Variants in GPR19 observed in about 807,000 individuals in gnomAD.
The protein encoded by GPR19 is G protein-coupled receptor 19.
In GPR19, 14 loss-of-function variants were observed where a neutral mutation model predicts 28.5. That is an observed-to-expected ratio of 0.49 (90% CI 0.32 to 0.77). The LOEUF (loss-of-function observed/expected upper bound fraction) is 0.77, where lower values mean the gene tolerates loss of function less well. GPR19 is among the 30% of genes least tolerant of loss of function. GPR19 has a pLI of 0.03. For missense variants in GPR19, 409 were observed against 504.1 expected, an observed-to-expected ratio of 0.81 and a Z score of 1.81; for synonymous variants, 173 against 184.1, an observed-to-expected ratio of 0.94 and a Z score of 0.49.
chr12:12,699,380 T>C (rs1946302496), upstream of GPR19, among the ~76,000 whole-genome samples: 1 of 152,120 alleles, frequency 6.6e-6, no homozygotes, highest in Admixed American at 6.6e-5. Context: ...TAGGGCCAAA[T>C]TGCAGGGTTT....
chr12:12,714,470 G>A, the GPR19 span, among the ~76,000 whole-genome samples: 1 of 152,136 alleles, frequency 6.6e-6, no homozygotes, highest in African/African-American at 2.4e-5. Context: ...AGTTATTTTG[G>A]TCTTTGCCTC....
At chr12:12,699,472 G>A (rs1946303652), upstream of GPR19, among the ~76,000 whole-genome samples, 2 of 152,054 alleles carry the variant, frequency 1.3e-5, no homozygotes, top group Non-Finnish European at 2.9e-5. Context: ...GGGTAATTCA[G>A]TACTCTTGTC....
rs568081446 is a variant in GPR19 at position 12,683,392 on chromosome 12, A to C, written c.-23+959T>G. Among the ~76,000 whole-genome samples, 3 of 152,346 alleles carry C rather than the reference A, an allele frequency of 2.0e-5. No individual in the cohort carries two copies. The East Asian group carries it at 5.8e-4, about 29-fold the overall frequency. Reference sequence around the variant, plus strand: ...CCAAATTGACTGCTGACATCATTTGAAATAATATGAGCAGGCAAGCAGCAT... The same window carrying C: ...CCAAATTGACTGCTGACATCATTTGCAATAATATGAGCAGGCAAGCAGCAT... On this transcript the variant is annotated intron_variant, in intron 3 of 3. Coordinates refer to ENST00000651487, the MANE Select transcript of GPR19 (RefSeq NM_006143.3).
In GPR19 at chr12:12,662,905, G is replaced by C. The variant is rs187231394; in HGVS notation, c.-22-435C>G. ...TGTCCTAAGGTTGCAAAAGAGGAAAGCTTGGGCAGATGAAAACACACAGAT... is the reference window on the plus strand; with the variant it reads ...TGTCCTAAGGTTGCAAAAGAGGAAACCTTGGGCAGATGAAAACACACAGAT... On this transcript the variant is annotated intron_variant, in intron 3 of 3. Coordinates refer to ENST00000651487, the MANE Select transcript of GPR19 (RefSeq NM_006143.3). Among the ~76,000 whole-genome samples the C allele has an allele frequency of 8.5e-5, 13 of 152,372 alleles. No homozygotes were observed. In the East Asian group the frequency reaches 2.3e-3, roughly 27 times the overall value.
intron 3 of GPR19, among the ~76,000 whole-genome samples, chr12:12,674,900 A>G (rs2136325416): frequency 6.6e-6 from 1 of 152,346 alleles, no homozygotes; most frequent in East Asian, 1.9e-4. Context: ...ATTAAGTTGT[A>G]GTAAGTCCAA....
the GPR19 span, among the ~76,000 whole-genome samples, chr12:12,708,776 C>T: frequency 6.6e-6 from 1 of 152,168 alleles, no homozygotes; most frequent in African/African-American, 2.4e-5. Flanking sequence ...TGGCTGGGCA[C>T]GGTGGCTCAC....
chr12:12,693,936 C>T (rs891691649), intron 2 of GPR19, among the ~76,000 whole-genome samples: 48 of 152,130 alleles, frequency 3.2e-4, no homozygotes, highest in Non-Finnish European at 6.0e-4. Flanking sequence ...CTCCTGACCT[C>T]GTGATCCCCC....
At chr12:12,666,804 A>G (rs964401416) in intron 3 of GPR19, among the ~76,000 whole-genome samples, 4 of 152,236 alleles carry the variant, frequency 2.6e-5, no homozygotes, top group Non-Finnish European at 5.9e-5. Context: ...GAAAATCACT[A>G]TATATTCTCA....
At chr12:12,703,505 A>G in the GPR19 span, 1 of 767,600 alleles carries the variant, frequency 1.3e-6, no homozygotes, top group Non-Finnish European at 1.6e-6. Context: ...CATCTTTGCC[A>G]TAGAAGCCTA....
the GPR19 span, among the ~76,000 whole-genome samples, chr12:12,709,519 C>T: frequency 6.6e-6 from 1 of 152,328 alleles, no homozygotes; most frequent in East Asian, 1.9e-4. Context: ...GGGCTCACTG[C>T]AGCTTCGATC....
chr12:12,711,272 G>A, the GPR19 span, among the ~76,000 whole-genome samples: 6 of 137,780 alleles, frequency 4.4e-5, no homozygotes, highest in African/African-American at 1.6e-4. Context: ...CCAGCCTGGC[G>A]ACAGAATGAG....
the GPR19 span, among the ~76,000 whole-genome samples, chr12:12,706,473 C>T: frequency 4.6e-5 from 7 of 152,190 alleles, no homozygotes. Flanking sequence ...AGTCTCATAG[C>T]TTTAATATCA....
chr12:12,681,385 C>G (rs1409112094), intron 3 of GPR19, among the ~76,000 whole-genome samples: 1 of 152,206 alleles, frequency 6.6e-6, no homozygotes, highest in African/African-American at 2.4e-5. Context: ...TGCTTTCACC[C>G]CTCACCTCTA....
the GPR19 span, among the ~76,000 whole-genome samples, chr12:12,702,593 T>C: frequency 1.3e-5 from 2 of 152,182 alleles, no homozygotes; most frequent in Admixed American, 1.3e-4. Flanking sequence ...CCATTCTCCT[T>C]TTACTCAGTG....
chr12:12,675,410 T>C (rs896435466), intron 3 of GPR19, among the ~76,000 whole-genome samples: 4 of 152,004 alleles, frequency 2.6e-5, no homozygotes, highest in African/African-American at 9.7e-5. Flanking sequence ...ATAATGTGAG[T>C]AGTAGGCAGA....
chr12:12,663,048 G>A (rs1037728403), intron 3 of GPR19, among the ~76,000 whole-genome samples: 7 of 152,110 alleles, frequency 4.6e-5, no homozygotes, highest in Non-Finnish European at 1.0e-4. Context: ...GTAACACATG[G>A]AGCAGTCAAC....
chr12:12,685,986 T>A (rs10845609), intron 2 of GPR19, among the ~76,000 whole-genome samples: 24,288 of 152,276 alleles, frequency 0.16, 2,474 homozygotes, highest in East Asian at 0.3. Context: ...GACAATTTTT[T>A]AAATGTGAGT....
At chr12:12,706,748 T>C in the GPR19 span, among the ~76,000 whole-genome samples, 1 of 152,198 alleles carries the variant, frequency 6.6e-6, no homozygotes, top group Admixed American at 6.5e-5. Context: ...GCAAATCCCA[T>C]TGGCTGTATC....
At chr12:12,716,946 C>T in the GPR19 span, 1 of 985,316 alleles carries the variant, frequency 1.0e-6, no homozygotes, top group Non-Finnish European at 1.2e-6. Flanking sequence ...ACCCCGGCTC[C>T]TAGCGAGCTG....
Sources: allele counts gnomAD v4.1 joint callset (sites outside exome capture counted in the v4.1 genomes callset), GRCh38; gene constraint gnomAD v4.1.1; transcripts MANE v1.5; gene names NCBI Gene and HGNC (gene_info 2026-07-23, HGNC 2026-07-21).